Variants in OBSL1 observed in about 807,000 individuals in gnomAD.
The protein encoded by OBSL1 is obscurin like cytoskeletal adaptor 1.
In OBSL1, 160 loss-of-function variants were observed where a neutral mutation model predicts 172.0. That is an observed-to-expected ratio of 0.93 (90% CI 0.82 to 1.06). OBSL1 has a LOEUF of 1.06. Among genes scored for constraint, OBSL1 ranks in the 50% least tolerant of loss-of-function variants. OBSL1 has a pLI of 0.00. For synonymous variants in OBSL1, 1,200 were observed against 1,196.3 expected, an observed-to-expected ratio of 1.00 and a Z score of -0.06; for missense variants, 2,681 against 2,715.4, an observed-to-expected ratio of 0.99 and a Z score of 0.28.
downstream of OBSL1, chr2:219,550,479 C>T (rs942579085): frequency 2.6e-5 from 7 of 269,770 alleles, no homozygotes; most frequent in African/African-American, 8.8e-5. Context: ...TTTAAATGCA[C>T]GGTGCATGTC....
In OBSL1 at chr2:219,571,265, T is replaced by TG. The variant is rs749208280; in HGVS notation, c.-34dup. 7.9e-5 allele frequency: 60 copies of TG among 756,334 alleles called. No individual in the cohort carries two copies. Among genetic ancestry groups the TG allele is most frequent in the African/African-American group, 2.6e-4 (13 of 50,188 alleles). The allele number at this position is 756,334 out of a possible 1,614,324, so 46.9% of individuals were successfully genotyped here. On this transcript the variant is annotated 5_prime_UTR_variant, in exon 1 of 21. Transcript: ENST00000404537. ...GCCGACCGCCTGCAGCGGCGAACGGTGGGGGGGCAGGGGGGGGTGCGGAGG... is the reference window on the plus strand; with the variant it reads ...GCCGACCGCCTGCAGCGGCGAACGGTGGGGGGGGCAGGGGGGGGTGCGGAGG...
rs1276043205 is a variant in OBSL1 at position 219,571,343 on chromosome 2, G to A, written c.-111C>T. On this transcript the variant is annotated 5_prime_UTR_variant, in exon 1 of 21. Transcript: ENST00000404537. ...CGGGGCGCGGCTGGGGACTGGGCGC[G>A]GGGACCCGCGGAGCTCTCCCGGGCC... The A allele has an allele frequency of 6.1e-6, 4 of 654,024 alleles. No homozygotes were observed. In the East Asian group the frequency reaches 1.2e-4, roughly 19 times the overall value. 40.5% of individuals were successfully genotyped at this position (654,024 alleles called of 1,614,324 possible).
chr2:219,563,611 GA>G lies in OBSL1; in HGVS notation c.2423del (p.Ile808ThrfsTer13). 1 of 1,612,978 alleles carries G rather than the reference GA, an allele frequency of 6.2e-7. No individual in the cohort carries two copies. The highest frequency in any genetic ancestry group is 8.5e-7 in the Non-Finnish European group (1 of 1,179,298). On this transcript the variant is annotated frameshift_variant, in exon 7 of 21. Coordinates refer to ENST00000404537, the MANE Select transcript of OBSL1 (RefSeq NM_015311.3). LOFTEE classifies it high-confidence loss of function. ...GVTVQDPPVH[I>X]VDPREHVFVH... is the part of the protein sequence containing the mutation. ...CGAACACATGTTCTCGGGGGTCCAC[GA>G]TGTGCACGGGAGGATCTGGGTGGGA...
chr2:219,552,929 G>C lies in OBSL1; in HGVS notation c.5085C>G (p.Ala1695=). The C allele has an allele frequency of 6.5e-7, 1 of 1,537,042 alleles. No individual in the cohort carries two copies. The highest frequency in any genetic ancestry group is 8.7e-7 in the Non-Finnish European group (1 of 1,144,498). The part of the protein sequence containing the change: ...LQLRRCGPSD[A]GTYSCAVGTA... ...TCCCCACCGCGCAGCTGTAGGTCCC[G>C]GCGTCCGAGGGGCCGCAGCGTCGCA... The change falls in exon 17 of 21, where the codon GCC becomes GCG. Residue 1695 remains alanine, a synonymous_variant. Coordinates refer to ENST00000404537, the MANE Select transcript of OBSL1 (RefSeq NM_015311.3).
intron 18 of OBSL1, 111 bp downstream of exon 18, chr2:219,552,425 G>T (rs1404550652): frequency 4.3e-6 from 5 of 1,153,504 alleles, no homozygotes; most frequent in Non-Finnish European, 6.1e-6. Flanking sequence ...TCACAGGGCC[G>T]TGGGGCGGGG....
At chr2:219,547,292 C>T (rs1041801324), downstream of OBSL1, 4 of 446,454 alleles carry the variant, frequency 9.0e-6, no homozygotes, top group African/African-American at 6.0e-5. Context: ...TGTTTGCCTT[C>T]CCATTGACCA....
intron 9 of OBSL1, chr2:219,559,012 G>A: frequency 1.8e-6 from 1 of 557,762 alleles, no homozygotes; most frequent in Non-Finnish European, 3.2e-6. Flanking sequence ...TGAACGAATG[G>A]ATGAATGAAC....
chr2:219,567,929 C>T lies in OBSL1; in HGVS notation c.1323G>A (p.Leu441=), dbSNP rs575747608. The change falls in exon 3 of 21, where the codon CTG becomes CTA. Residue 441 remains leucine, a synonymous_variant. Transcript: ENST00000404537. ...CTAGCAGCACAGCATTCTCTCCTTC[C>T]AGGACGTCGAGCTTCCGGGGCAGGC... ...LKRLPRKLDV[L]EGENAVLLVE... 3.1e-6 allele frequency: 5 copies of T among 1,613,904 alleles called. No individual in the cohort carries two copies. Among genetic ancestry groups the T allele is most frequent in the East Asian group, 4.5e-5 (2 of 44,866 alleles).
intron 1 of OBSL1, among the ~76,000 whole-genome samples, chr2:219,569,764 C>A (rs1697200002): frequency 6.6e-6 from 1 of 152,206 alleles, no homozygotes; most frequent in South Asian, 2.1e-4. Context: ...AATAAAATAG[C>A]CTCCTTATTC....
chr2:219,564,588 C>A (rs778524976), intron 6 of OBSL1, among the ~76,000 whole-genome samples: 7 of 152,234 alleles, frequency 4.6e-5, no homozygotes, highest in Non-Finnish European at 8.8e-5. Flanking sequence ...TTTGTTCCCC[C>A]ACCCAACCCA....
downstream of OBSL1, chr2:219,549,440 G>A: frequency 2.7e-6 from 4 of 1,477,918 alleles, no homozygotes; most frequent in Non-Finnish European, 3.6e-6. Flanking sequence ...CCACGGGCTG[G>A]TTGCTATCTA....
At chr2:219,562,183 A>C (rs1001851551) in intron 8 of OBSL1, among the ~76,000 whole-genome samples, 1 of 152,188 alleles carries the variant, frequency 6.6e-6, no homozygotes, top group African/African-American at 2.4e-5. Flanking sequence ...AGTGCTCAGT[A>C]AATGAGCTGT....
Position 219,567,011 on chromosome 2 carries a change from C to G in OBSL1, c.1953G>C (p.Gly651=). The part of the protein sequence containing the change: ...TIIQGTWFLN[G]EELKSNEPEG... ...CCGGCTCGTTACTCTTGAGCTCTTCCCCATTAAGGAACCAGGTACCCTGGA... is the reference window on the plus strand; with the variant it reads ...CCGGCTCGTTACTCTTGAGCTCTTCGCCATTAAGGAACCAGGTACCCTGGA... Residue 651 remains glycine (G), a synonymous_variant, in exon 5 of 21, where the codon GGG becomes GGC. Coordinates refer to ENST00000404537, the MANE Select transcript of OBSL1 (RefSeq NM_015311.3). 7 of 1,613,724 alleles carry G rather than the reference C, an allele frequency of 4.3e-6. No homozygotes were observed. The highest frequency in any genetic ancestry group is 5.9e-6 in the Non-Finnish European group (7 of 1,179,892).
In OBSL1 at chr2:219,551,673, C is replaced by G. The variant is rs1455301146; in HGVS notation, c.5539G>C (p.Glu1847Gln). ...GHVCWLREGAELCPGDKYEMR... is the reference protein window; with the variant it reads ...GHVCWLREGAQLCPGDKYEMR... ...TCATACTTATCTCCCGGGCACAGCTCGGCCCCCTCCCGCAGCCAGCACACG... is the reference window on the plus strand; with the variant it reads ...TCATACTTATCTCCCGGGCACAGCTGGGCCCCCTCCCGCAGCCAGCACACG... The change falls in exon 20 of 21, where the codon GAG becomes CAG. Residue 1847 changes from glutamate to glutamine, a missense_variant. This residue lies in a region of OBSL1 where 1,765 missense variants were observed against 1,748.3 expected (regional missense o/e 1.01). Coordinates refer to ENST00000404537, the MANE Select transcript of OBSL1 (RefSeq NM_015311.3). 6.2e-7 allele frequency: 1 copy of G among 1,610,908 alleles called. No homozygotes were observed. The highest frequency in any genetic ancestry group is 1.3e-5 in the African/African-American group (1 of 74,932).
At chr2:219,549,760 T>C (rs1695506024), downstream of OBSL1, 2 of 1,614,100 alleles carry the variant, frequency 1.2e-6, no homozygotes, top group Non-Finnish European at 1.7e-6. Flanking sequence ...GGGAGCTCCC[T>C]GAGCTCCTTC....
intron 14 of OBSL1, 58 bp downstream of exon 14, chr2:219,555,962 G>C: frequency 6.3e-7 from 1 of 1,582,094 alleles, no homozygotes; most frequent in Non-Finnish European, 8.6e-7. Flanking sequence ...CTCCAGGACA[G>C]CCAGAAAAGG....
chr2:219,551,552 G>C lies in OBSL1; in HGVS notation c.5660C>G (p.Thr1887Ser), dbSNP rs1695612173. 2 of 1,598,324 alleles carry C rather than the reference G, an allele frequency of 1.3e-6. No homozygotes were observed. Among genetic ancestry groups the C allele is most frequent in the Non-Finnish European group, 1.7e-6 (2 of 1,172,730 alleles). The change falls in exon 20 of 21, where the codon ACC becomes AGC. Residue 1887 changes from threonine (T) to serine (S), a missense_variant. Thr to Ser is a moderately conservative substitution (Grantham distance 58, BLOSUM62 1). Transcript: ENST00000404537. Reference protein sequence around the residue: ...TYCCQAGQDSTHTRLLVEGN With the variant: ...TYCCQAGQDSSHTRLLVEGN ...ACCCTCTACCAGCAGCCGTGTGTGG[G>C]TGCTGTCCTGGCCGGCCTGGCAGCA... is the stretch of plus-strand genomic sequence containing the variant.
In OBSL1 at chr2:219,552,919, T is replaced by C; in HGVS notation, c.5095A>G (p.Ser1699Gly). The C allele has an allele frequency of 6.5e-7, 1 of 1,538,662 alleles. No individual in the cohort carries two copies. Among genetic ancestry groups the C allele is most frequent in the Non-Finnish European group, 8.7e-7 (1 of 1,144,776 alleles). The change falls in exon 17 of 21, where the codon AGC (serine) becomes GGC (glycine). Residue 1699 changes from serine (S) to glycine (G), a missense_variant. By Grantham distance (56) the Ser-to-Gly change is moderately conservative. This residue lies in a region of OBSL1 where 1,765 missense variants were observed against 1,748.3 expected (regional missense o/e 1.01). Coordinates refer to ENST00000404537, the MANE Select transcript of OBSL1 (RefSeq NM_015311.3). The part of the protein sequence containing the change: ...RCGPSDAGTY[S>G]CAVGTARAGP... ...GCGCGGGCCGTCCCCACCGCGCAGC[T>C]GTAGGTCCCGGCGTCCGAGGGGCCG...
rs534926956 is a variant in OBSL1, at chr2:219,551,165, G to A, written c.5684-323C>T. ...GCAGAGGCAAGCTGGGCAGAGGGCA[G>A]GAAGGAGGAGGGACAGGCTGGAGGA... On this transcript the variant is annotated intron_variant, in intron 20 of 20. Transcript: ENST00000404537. 810 of 1,392,834 alleles carry A rather than the reference G, an allele frequency of 5.8e-4. 8 individuals are homozygous for A. Among genetic ancestry groups the A allele is most frequent in the Non-Finnish European group, 1.1e-4 (117 of 1,074,342 alleles). 86.3% of individuals were successfully genotyped at this position (1,392,834 alleles called of 1,614,324 possible).
Sources: allele counts gnomAD v4.1 joint callset (sites outside exome capture counted in the v4.1 genomes callset), GRCh38; gene constraint gnomAD v4.1.1; regional missense constraint gnomAD v4.1.1; transcripts MANE v1.5; gene names NCBI Gene and HGNC (gene_info 2026-07-23, HGNC 2026-07-21).